Variants in NFIB observed in about 807,000 individuals in gnomAD.
The protein encoded by NFIB is nuclear factor 1 B-type.
In NFIB, 11 loss-of-function variants were observed where a neutral mutation model predicts 61.5. The ratio of observed to expected loss-of-function variants is 0.18; its 90% CI spans 0.11 to 0.30. NFIB has a LOEUF of 0.30. Among genes scored for constraint, NFIB ranks in the 10% least tolerant of loss-of-function variants. The pLI is 1.00. For synonymous variants in NFIB, 260 were observed against 216.5 expected, an observed-to-expected ratio of 1.20 and a Z score of -1.76; for missense variants, 471 against 608.9, an observed-to-expected ratio of 0.77 and a Z score of 2.38.
At chr9:14,531,405 T>C in the NFIB span, among the ~76,000 whole-genome samples, 1 of 152,164 alleles carries the variant, frequency 6.6e-6, no homozygotes, top group Non-Finnish European at 1.5e-5. Context: ...TAGTAATCAG[T>C]GGTTGCTCCA....
chr9:14,273,214 C>T (rs748455620), intron 2 of NFIB, among the ~76,000 whole-genome samples: 1 of 152,042 alleles, frequency 6.6e-6, no homozygotes, highest in Non-Finnish European at 1.5e-5. Flanking sequence ...CGTCTCTTTC[C>T]CCCTCATCAA....
intron 2 of NFIB, among the ~76,000 whole-genome samples, chr9:14,272,610 C>CTAAA (rs1304834848): frequency 7.1e-6 from 1 of 140,994 alleles, no homozygotes; most frequent in African/African-American, 2.6e-5. Context: ...ATGACTCTTG[C>CTAAA]TAAATAACAT....
rs1049099705 is a variant in NFIB at position 14,152,777 on chromosome 9, C to T, written c.686-2512G>A. On this transcript the variant is annotated intron_variant, in intron 4 of 10. Coordinates refer to ENST00000380953, the MANE Select transcript of NFIB (RefSeq NM_001190737.2). ...GAAAGATTATTCCGCAGTGTCAAGA[C>T]AGCAATAAAAACGACAAATATAGCA... Among the ~76,000 whole-genome samples the T allele has an allele frequency of 3.3e-5, 5 of 150,212 alleles. No individual in the cohort carries two copies. In the Admixed American group the frequency reaches 3.3e-4, roughly 10 times the overall value.
At chr9:14,178,586 GAATT>G (rs1224425664) in intron 3 of NFIB, among the ~76,000 whole-genome samples, 2 of 151,878 alleles carry the variant, frequency 1.3e-5, no homozygotes, top group Non-Finnish European at 2.9e-5. Flanking sequence ...GTACAATACA[GAATT>G]AATAAATATT....
Position 14,307,375 on chromosome 9 carries a change from T to A in NFIB, c.176A>T (p.Asp59Val), listed in dbSNP as rs776244762. ...MSKDEERAVK[D>V]ELLSEKPEIK... is the part of the protein sequence containing the mutation. ...TTCAGGCTTTTCACTGAGAAGCTCA[T>A]CTTTGACTGCTCTTTCTTCATCCTT... Residue 59 changes from aspartate (D) to valine (V), a missense_variant, in exon 2 of 11, where the codon GAT becomes GTT. Asp to Val is a radical substitution (Grantham distance 152, BLOSUM62 -3). Around this residue, in one of 2 missense-constraint regions of NFIB, gnomAD observed 99 missense variants for 213.3 expected, o/e 0.46. Coordinates refer to ENST00000380953, the MANE Select transcript of NFIB (RefSeq NM_001190737.2). This position sits in a 1 kb window ranked among gnomAD's most constrained non-coding sequence, Gnocchi z 5.3. 3 of 1,614,096 alleles carry A rather than the reference T, an allele frequency of 1.9e-6. No individual in the cohort carries two copies. The highest frequency in any genetic ancestry group is 2.5e-6 in the Non-Finnish European group (3 of 1,180,016).
the NFIB span, among the ~76,000 whole-genome samples, chr9:14,457,784 C>G: frequency 6.6e-6 from 1 of 152,112 alleles, no homozygotes; most frequent in Non-Finnish European, 1.5e-5. Flanking sequence ...GGATAAATTG[C>G]TGGACACATA....
chr9:14,454,877 T>C, the NFIB span, among the ~76,000 whole-genome samples: 2 of 152,200 alleles, frequency 1.3e-5, no homozygotes, highest in Non-Finnish European at 2.9e-5. Context: ...CCCCATTGCT[T>C]TTCCCCTATG....
chr9:14,278,571 C>T (rs1417609905), intron 2 of NFIB, among the ~76,000 whole-genome samples: 1 of 152,128 alleles, frequency 6.6e-6, no homozygotes, highest in South Asian at 2.1e-4. Flanking sequence ...CCTGAGTGAG[C>T]GGAGCCTAGA....
intron 1 of NFIB, among the ~76,000 whole-genome samples, chr9:14,378,344 T>C (rs575462875): frequency 1.2e-4 from 19 of 152,290 alleles, no homozygotes; most frequent in Admixed American, 9.8e-4. Flanking sequence ...AACTACTTTA[T>C]TCTTTTCTTT....
chr9:14,184,268 C>A (rs2047108003), intron 2 of NFIB, among the ~76,000 whole-genome samples: 2 of 152,200 alleles, frequency 1.3e-5, no homozygotes, highest in Non-Finnish European at 2.9e-5. Flanking sequence ...ATGATGCAAT[C>A]CTAAAATAAT....
chr9:14,235,496 A>T (rs1466535855), intron 2 of NFIB, among the ~76,000 whole-genome samples: 2 of 152,134 alleles, frequency 1.3e-5, no homozygotes, highest in African/African-American at 4.8e-5. Flanking sequence ...ACCCTAAAAG[A>T]TCCCTTTGGG....
At chr9:14,300,913 T>C (rs1177302488) in intron 2 of NFIB, among the ~76,000 whole-genome samples, 1 of 152,190 alleles carries the variant, frequency 6.6e-6, no homozygotes, top group Non-Finnish European at 1.5e-5. Flanking sequence ...ATTGGGTATC[T>C]TGGATTGCTG....
intron 8 of NFIB, among the ~76,000 whole-genome samples, chr9:14,117,133 C>G (rs537094923): frequency 1.2e-4 from 18 of 152,274 alleles, no homozygotes; most frequent in Admixed American, 9.1e-4. Flanking sequence ...AAGCAGAGGA[C>G]AAGCAAATGA....
At chr9:14,427,159 C>T in the NFIB span, among the ~76,000 whole-genome samples, 1 of 152,144 alleles carries the variant, frequency 6.6e-6, no homozygotes, top group African/African-American at 2.4e-5. Context: ...TGCCGATTGA[C>T]TTAACAGTTT....
At chr9:14,127,570 T>G (rs1479426992) in intron 6 of NFIB, among the ~76,000 whole-genome samples, 2 of 152,044 alleles carry the variant, frequency 1.3e-5, no homozygotes, top group African/African-American at 4.8e-5. Flanking sequence ...AAATCTTTAT[T>G]AAAAGAAAAA....
chr9:14,178,668 TG>T (rs1481720857), intron 3 of NFIB, among the ~76,000 whole-genome samples: 4 of 152,194 alleles, frequency 2.6e-5, no homozygotes, highest in Non-Finnish European at 4.4e-5. Context: ...GTTTTGATTT[TG>T]CATTTTTACT....
At chr9:14,452,998 T>C in the NFIB span, among the ~76,000 whole-genome samples, 1 of 152,230 alleles carries the variant, frequency 6.6e-6, no homozygotes, top group East Asian at 1.9e-4. Context: ...TTTTTCCACT[T>C]TGATTGCTTT....
intron 3 of NFIB, among the ~76,000 whole-genome samples, chr9:14,162,210 G>C (rs111869366): frequency 6.6e-6 from 1 of 151,962 alleles, no homozygotes; most frequent in Non-Finnish European, 1.5e-5. Context: ...TGCATCTACA[G>C]TTTCACAATG....
At chr9:14,214,550 C>T (rs2050651154) in intron 2 of NFIB, among the ~76,000 whole-genome samples, 1 of 152,204 alleles carries the variant, frequency 6.6e-6, no homozygotes, top group Non-Finnish European at 1.5e-5. Context: ...TCACGCTTTC[C>T]TCTAAGAAAC....
Sources: gnomAD v4.1 joint callset for allele counts (sites outside exome capture counted in the v4.1 genomes callset) on GRCh38, gnomAD v4.1.1 for gene constraint, gnomAD v4.1.1 regional missense constraint, Gnocchi (gnomAD v3.1) non-coding constraint, MANE v1.5 for transcripts, NCBI Gene and HGNC (gene_info 2026-07-23, HGNC 2026-07-21) for gene names.